Variants in DPP6 observed in about 807,000 individuals in gnomAD.
DPP6 encodes the protein dipeptidyl peptidase like 6, also known as A-type potassium channel modulatory protein DPP6.
A neutral mutation model predicts 122.6 loss-of-function variants in DPP6; 69 were observed. The ratio of observed to expected loss-of-function variants is 0.56; its 90% CI spans 0.46 to 0.69. The LOEUF is 0.69. DPP6 is among the 30% of genes least tolerant of loss of function. DPP6 has a pLI of 0.00. For missense variants in DPP6, 928 were observed against 1,116.9 expected, an observed-to-expected ratio of 0.83 and a Z score of 2.41; for synonymous variants, 418 against 433.1, an observed-to-expected ratio of 0.97 and a Z score of 0.43.
intron 1 of DPP6, among the ~76,000 whole-genome samples, chr7:154,388,164 G>A (rs1814285201): frequency 6.6e-6 from 1 of 152,134 alleles, no homozygotes; most frequent in South Asian, 2.1e-4. Context: ...CTAGCTGGAT[G>A]TGGTGGTGCA....
At chr7:154,532,945 A>C (rs556578804) in intron 3 of DPP6, among the ~76,000 whole-genome samples, 1 of 152,256 alleles carries the variant, frequency 6.6e-6, no homozygotes, top group East Asian at 1.9e-4. Flanking sequence ...AGGTTACAAG[A>C]CTTTCATTCT....
intron 1 of DPP6, among the ~76,000 whole-genome samples, chr7:154,291,321 G>C (rs890983297): frequency 3.9e-5 from 6 of 152,180 alleles, no homozygotes; most frequent in African/African-American, 1.4e-4. Flanking sequence ...AAAAAGGGAA[G>C]TTGCATTCCA....
At chr7:153,854,595 C>T in the DPP6 span, among the ~76,000 whole-genome samples, 418 of 124,428 alleles carry the variant, frequency 3.4e-3, 4 homozygotes, top group East Asian at 0.021. Flanking sequence ...ACAACAGGTG[C>T]TGGAGAGGAT....
At chr7:154,600,158 C>T (rs192134127) in intron 5 of DPP6, among the ~76,000 whole-genome samples, 1 of 151,948 alleles carries the variant, frequency 6.6e-6, no homozygotes, top group African/African-American at 2.4e-5. Context: ...GATGGAGTCT[C>T]ACTCTGTTGA....
intron 1 of DPP6, among the ~76,000 whole-genome samples, chr7:153,964,812 CTTTCCTTTCCTTTCCTTTTCCTTTTCCT>C (rs1455924964): frequency 2.1e-5 from 1 of 47,768 alleles, no homozygotes; most frequent in Non-Finnish European, 3.3e-5. Context: ...CTTTCCTTTC[CTTTCCTTTCCTTTCCTTTTCCTTTTCCT>C]TTTCCTTTTC....
chr7:153,989,533 C>T (rs1302352596), intron 1 of DPP6, among the ~76,000 whole-genome samples: 1 of 151,794 alleles, frequency 6.6e-6, no homozygotes, highest in Non-Finnish European at 1.5e-5. Flanking sequence ...CAAGGTATGC[C>T]AGAAGCCGGA....
intron 1 of DPP6, among the ~76,000 whole-genome samples, chr7:154,158,737 G>A (rs1324641554): frequency 6.6e-6 from 1 of 152,008 alleles, no homozygotes; most frequent in African/African-American, 2.4e-5. Context: ...AGGTGTTACT[G>A]TGATTAAGCA....
At chr7:154,098,753 A>G (rs1585374210) in intron 1 of DPP6, among the ~76,000 whole-genome samples, 1 of 152,000 alleles carries the variant, frequency 6.6e-6, no homozygotes, top group South Asian at 2.1e-4. Flanking sequence ...GAATGGCCCT[A>G]TTGTGGGAGC....
intron 1 of DPP6, among the ~76,000 whole-genome samples, chr7:153,921,792 T>A (rs1179840093): frequency 6.6e-6 from 1 of 152,242 alleles, no homozygotes; most frequent in African/African-American, 2.4e-5. Flanking sequence ...TAGTAGAGTG[T>A]CTTACCTTCC....
At chr7:154,103,222 C>T (rs1224853662) in intron 1 of DPP6, among the ~76,000 whole-genome samples, 3 of 152,152 alleles carry the variant, frequency 2.0e-5, no homozygotes, top group Non-Finnish European at 4.4e-5. Flanking sequence ...CTCAGCAAGC[C>T]TCTTCCTTCT....
intron 1 of DPP6, among the ~76,000 whole-genome samples, chr7:154,006,192 C>T (rs536248235): frequency 2.0e-4 from 30 of 152,260 alleles, no homozygotes; most frequent in South Asian, 2.1e-4. Flanking sequence ...TATAATCATC[C>T]GTGGCATTGT....
intron 1 of DPP6, among the ~76,000 whole-genome samples, chr7:154,210,710 G>A (rs1215587212): frequency 1.3e-5 from 2 of 152,052 alleles, no homozygotes; most frequent in African/African-American, 4.8e-5. Flanking sequence ...TAGAGGAAGG[G>A]GTAAGAGAGA....
chr7:153,986,676 T>G (rs934624339), intron 1 of DPP6, among the ~76,000 whole-genome samples: 9 of 152,328 alleles, frequency 5.9e-5, no homozygotes, highest in Middle Eastern at 3.4e-3. Context: ...GGTGAACTTT[T>G]CCTTTGGAAT....
At chr7:153,967,934 T>A (rs1032866668) in intron 1 of DPP6, among the ~76,000 whole-genome samples, 3 of 151,790 alleles carry the variant, frequency 2.0e-5, no homozygotes, top group Non-Finnish European at 4.4e-5. Flanking sequence ...GGTGTATATG[T>A]ACCACATTTT....
chr7:154,539,206 G>T (rs1057297798), intron 3 of DPP6, among the ~76,000 whole-genome samples: 5 of 152,128 alleles, frequency 3.3e-5, no homozygotes, highest in African/African-American at 1.2e-4. Flanking sequence ...TGTGGGCCCT[G>T]CCTCTCAACC....
chr7:154,567,966 T>C (rs1244395001), intron 5 of DPP6, among the ~76,000 whole-genome samples: 2 of 152,250 alleles, frequency 1.3e-5, no homozygotes, highest in Non-Finnish European at 2.9e-5. Context: ...ACTGTAGATT[T>C]TTTTGGACTC....
At chr7:154,143,025 C>T (rs1044581678) in intron 1 of DPP6, among the ~76,000 whole-genome samples, 3 of 137,872 alleles carry the variant, frequency 2.2e-5, no homozygotes, top group African/African-American at 8.3e-5. Flanking sequence ...ATGCTAAATA[C>T]TAGTAAGATA....
intron 1 of DPP6, among the ~76,000 whole-genome samples, chr7:154,089,188 A>G (rs11984266): frequency 0.22 from 33,281 of 151,958 alleles, 4,188 homozygotes; most frequent in African/African-American, 0.35. Flanking sequence ...TGTAAAGAGA[A>G]GGTTTTAGCT....
chr7:154,405,478 C>A (rs1239909598), intron 1 of DPP6, among the ~76,000 whole-genome samples: 1 of 152,182 alleles, frequency 6.6e-6, no homozygotes, highest in Admixed American at 6.6e-5. Flanking sequence ...TGCTTTCCCC[C>A]CCTTGTTTGT....
Sources: allele counts gnomAD v4.1 joint callset (sites outside exome capture counted in the v4.1 genomes callset), GRCh38; gene constraint gnomAD v4.1.1; transcripts MANE v1.5; gene names NCBI Gene and HGNC (gene_info 2026-07-23, HGNC 2026-07-21).